Variants in MSH4 observed in about 807,000 individuals in gnomAD.
MSH4 encodes mutS protein homolog 4.
In MSH4, 106 loss-of-function variants were observed where a neutral mutation model predicts 113.7. That is an observed-to-expected ratio of 0.93 (90% CI 0.80 to 1.10). The LOEUF (loss-of-function observed/expected upper bound fraction) is 1.10, where lower values mean the gene tolerates loss of function less well. Among genes scored for constraint, MSH4 ranks in the 50% least tolerant of loss-of-function variants. MSH4 has a pLI of 0.00. For synonymous variants in MSH4, 368 were observed against 380.2 expected (o/e 0.97, Z 0.37); for missense variants, 1,061 against 1,093.7 (o/e 0.97, Z 0.42).
rs796386778 is a variant in MSH4 at position 75,837,006 on chromosome 1, G to T, written c.1163-11203G>T. On this transcript the variant is annotated intron_variant, in intron 7 of 19. Coordinates refer to ENST00000263187, the MANE Select transcript of MSH4 (RefSeq NM_002440.4). ...TCTTATTGCCTTCTGAGCATTTGCTGTGATCTACATGTTGTGCTTCTCCAA... is the reference window on the plus strand; with the variant it reads ...TCTTATTGCCTTCTGAGCATTTGCTTTGATCTACATGTTGTGCTTCTCCAA... 3.3e-5 allele frequency among the ~76,000 whole-genome samples: 5 copies of T among 152,156 alleles called. No individual in the cohort carries two copies. In the South Asian group the frequency reaches 8.3e-4, roughly 25 times the overall value.
intron 6 of MSH4, among the ~76,000 whole-genome samples, chr1:75,819,336 T>C (rs1650357802): frequency 6.6e-6 from 1 of 151,938 alleles, no homozygotes; most frequent in Non-Finnish European, 1.5e-5. Flanking sequence ...TTACCAAAAA[T>C]ACAAAATTTA....
At chr1:75,799,301 C>T (rs555028119) in intron 1 of MSH4, among the ~76,000 whole-genome samples, 1 of 151,864 alleles carries the variant, frequency 6.6e-6, no homozygotes, top group African/African-American at 2.4e-5. Flanking sequence ...TCCTGTTTTA[C>T]AGATAGAACC....
intron 17 of MSH4, among the ~76,000 whole-genome samples, chr1:75,894,674 A>G (rs769291264): frequency 1.6e-4 from 25 of 152,208 alleles, no homozygotes; most frequent in Non-Finnish European, 3.4e-4. Context: ...ATGGTATTCC[A>G]CACAGCATTT....
chr1:75,853,185 C>T (rs546347019), intron 8 of MSH4, among the ~76,000 whole-genome samples: 40 of 152,236 alleles, frequency 2.6e-4, no homozygotes, highest in South Asian at 4.1e-4. Flanking sequence ...CTACTTCAGC[C>T]TCCCAAGTAG....
intron 8 of MSH4, 119 bp from the exon 9 acceptor site, chr1:75,867,395 C>A: frequency 1.6e-6 from 1 of 632,550 alleles, no homozygotes; most frequent in South Asian, 1.9e-5. Flanking sequence ...TGCATTGCGG[C>A]TAGGCTGATA....
At chr1:75,842,746 G>A (rs79435381) in intron 7 of MSH4, among the ~76,000 whole-genome samples, 10,950 of 152,184 alleles carry the variant, frequency 0.072, 514 homozygotes, top group African/African-American at 0.13. Flanking sequence ...GTTGCCAGGC[G>A]GACCTTGGTC....
chr1:75,881,494 C>G lies in MSH4; in HGVS notation c.1906+124C>G. On this transcript the variant is annotated intron_variant, in intron 14 of 19. Coordinates refer to ENST00000263187, the MANE Select transcript of MSH4 (RefSeq NM_002440.4). ...TGAAATAGAGTCTCTTGCCTCTGGTCCTAGACTAAGACACAAAATAAAGAA... is the reference window on the plus strand; with the variant it reads ...TGAAATAGAGTCTCTTGCCTCTGGTGCTAGACTAAGACACAAAATAAAGAA... 4 of 940,722 alleles carry G rather than the reference C, an allele frequency of 4.3e-6. No individual in the cohort carries two copies. The South Asian group carries it at 7.3e-5, about 17-fold the overall frequency. The allele number at this position is 940,722 out of a possible 1,614,324, so 58.3% of individuals were successfully genotyped here.
chr1:75,901,174 A>G (rs577961067), intron 19 of MSH4, among the ~76,000 whole-genome samples: 3 of 152,268 alleles, frequency 2.0e-5, no homozygotes, highest in East Asian at 3.9e-4. Flanking sequence ...AAACATTGCA[A>G]TTCTTATCTT....
At chr1:75,816,982 A>C (rs1401046426) in intron 6 of MSH4, among the ~76,000 whole-genome samples, 1 of 152,050 alleles carries the variant, frequency 6.6e-6, no homozygotes, top group Non-Finnish European at 1.5e-5. Context: ...GGTTCTTGCT[A>C]TTTTGTCCAG....
At chr1:75,809,134 T>G (rs1650132353) in intron 3 of MSH4, among the ~76,000 whole-genome samples, 1 of 152,108 alleles carries the variant, frequency 6.6e-6, no homozygotes. Context: ...TTCCTTAGAC[T>G]CGAGTGATCC....
intron 8 of MSH4, among the ~76,000 whole-genome samples, chr1:75,855,154 C>A (rs1489637971): frequency 1.3e-5 from 2 of 152,038 alleles, no homozygotes; most frequent in Non-Finnish European, 2.9e-5. Context: ...CTTCCTACCT[C>A]AGCCGCCTGA....
chr1:75,910,744 A>G (rs531573314), intron 19 of MSH4, among the ~76,000 whole-genome samples: 219 of 152,152 alleles, frequency 1.4e-3, no homozygotes, highest in African/African-American at 5.2e-3. Flanking sequence ...TATTTCTCCT[A>G]CATATCTTAA....
At chr1:75,900,049 A>C (rs1389870858) in intron 19 of MSH4, among the ~76,000 whole-genome samples, 1 of 151,922 alleles carries the variant, frequency 6.6e-6, no homozygotes, top group Non-Finnish European at 1.5e-5. Flanking sequence ...TATTTGTATA[A>C]TTATATATTT....
chr1:75,836,302 C>CTTTT (rs71071968), intron 7 of MSH4, among the ~76,000 whole-genome samples: 1,599 of 135,926 alleles, frequency 0.012, 25 homozygotes, highest in Non-Finnish European at 0.018. Flanking sequence ...CTTTCTTTTT[C>CTTTT]TTTTTTTTTT....
At chr1:75,884,997 ATATGTGTG>A (rs1652032298) in intron 15 of MSH4, among the ~76,000 whole-genome samples, 1 of 146,274 alleles carries the variant, frequency 6.8e-6, no homozygotes, top group African/African-American at 2.5e-5. Context: ...ATGTGTATAT[ATATGTGTG>A]TGTGTATGTG....
intron 7 of MSH4, among the ~76,000 whole-genome samples, chr1:75,838,062 C>T (rs1317860273): frequency 6.6e-6 from 1 of 152,126 alleles, no homozygotes; most frequent in Non-Finnish European, 1.5e-5. Flanking sequence ...TAAAACATCA[C>T]CACAAATTTA....
chr1:75,836,520 A>G (rs967310277), intron 7 of MSH4, among the ~76,000 whole-genome samples: 1 of 152,030 alleles, frequency 6.6e-6, no homozygotes, highest in Non-Finnish European at 1.5e-5. Flanking sequence ...GCTTGGAAGC[A>G]CATTCTTAAT....
chr1:75,833,759 C>T (rs1415087666), intron 7 of MSH4, among the ~76,000 whole-genome samples: 5 of 152,182 alleles, frequency 3.3e-5, no homozygotes, highest in Admixed American at 6.5e-5. Context: ...GGATCCCTTC[C>T]TTACACCTTA....
At chr1:75,810,600 G>A (rs1650170863) in intron 3 of MSH4, 97 bp from the exon 4 acceptor site, 1 of 519,844 alleles carries the variant, frequency 1.9e-6, no homozygotes, top group East Asian at 3.6e-5. Flanking sequence ...ATAATTTTGT[G>A]TATCTATGAA....
Sources: allele counts gnomAD v4.1 joint callset (sites outside exome capture counted in the v4.1 genomes callset), GRCh38; gene constraint gnomAD v4.1.1; transcripts MANE v1.5; gene names NCBI Gene and HGNC (gene_info 2026-07-23, HGNC 2026-07-21).